The following FAF1 variants were observed in gnomAD, a reference collection of about 807,000 sequenced individuals.
FAF1 encodes FAS-associated factor 1.
Under a neutral mutation model 92.5 loss-of-function variants are expected in FAF1, and 25 were observed. That is an observed-to-expected ratio of 0.27 (90% CI 0.20 to 0.38). The LOEUF (loss-of-function observed/expected upper bound fraction) is 0.38, where lower values mean the gene tolerates loss of function less well. Among genes scored for constraint, FAF1 ranks in the 10% least tolerant of loss-of-function variants. The pLI is 1.00. For synonymous variants in FAF1, 234 were observed against 273.2 expected, an observed-to-expected ratio of 0.86 and a Z score of 1.42; for missense variants, 636 against 793.3, an observed-to-expected ratio of 0.80 and a Z score of 2.38.
chr1:50,884,539 A>AAT, intron 1 of FAF1, among the ~76,000 whole-genome samples: 1 of 149,840 alleles, frequency 6.7e-6, no homozygotes, highest in African/African-American at 2.5e-5. Context: ...AAAAAAAAAA[A>AAT]TTTTTTTTCT....
At chr1:50,803,266 A>G (rs1662067798) in intron 2 of FAF1, among the ~76,000 whole-genome samples, 1 of 152,202 alleles carries the variant, frequency 6.6e-6, no homozygotes, top group African/African-American at 2.4e-5. Context: ...AAGAAACAAA[A>G]TACCAGAGCT....
intron 18 of FAF1, among the ~76,000 whole-genome samples, chr1:50,443,555 G>A (rs962332068): frequency 5.3e-5 from 8 of 152,160 alleles, no homozygotes; most frequent in African/African-American, 1.9e-4. Flanking sequence ...AAAGCACAGT[G>A]GTTAAAAAGA....
intron 1 of FAF1, among the ~76,000 whole-genome samples, chr1:50,916,371 A>T (rs1273647691): frequency 6.6e-6 from 1 of 152,218 alleles, no homozygotes; most frequent in East Asian, 1.9e-4. Flanking sequence ...ACCTGACCCC[A>T]ATACCTGGGC....
At chr1:50,533,373 G>T (rs767726870) in intron 15 of FAF1, among the ~76,000 whole-genome samples, 1 of 151,944 alleles carries the variant, frequency 6.6e-6, no homozygotes, top group Non-Finnish European at 1.5e-5. Context: ...CCCGAGCCCT[G>T]GCCAGGTTTT....
chr1:50,711,782 G>A (rs1205349515), intron 6 of FAF1, among the ~76,000 whole-genome samples: 1 of 152,038 alleles, frequency 6.6e-6, no homozygotes, highest in Non-Finnish European at 1.5e-5. Flanking sequence ...TTTTACAGAG[G>A]TCTTGTTTGG....
chr1:50,678,327 G>T (rs1656239537), intron 7 of FAF1, among the ~76,000 whole-genome samples: 1 of 152,144 alleles, frequency 6.6e-6, no homozygotes, highest in South Asian at 2.1e-4. Context: ...GCAGGTAAGG[G>T]CCTAAAGTCT....
chr1:50,692,918 G>A (rs547177755), intron 7 of FAF1, among the ~76,000 whole-genome samples: 1 of 151,990 alleles, frequency 6.6e-6, no homozygotes, highest in African/African-American at 2.4e-5. Context: ...TAGATTATTT[G>A]TCTTTTTATT....
At chr1:50,805,632 T>A (rs192386088) in intron 2 of FAF1, among the ~76,000 whole-genome samples, 49 of 152,324 alleles carry the variant, frequency 3.2e-4, no homozygotes, top group Admixed American at 2.8e-3. Context: ...TGGCATGTAA[T>A]ATAAATCATA....
chr1:50,599,493 C>T (rs1304209218), intron 8 of FAF1, among the ~76,000 whole-genome samples: 1 of 152,122 alleles, frequency 6.6e-6, no homozygotes, highest in Non-Finnish European at 1.5e-5. Context: ...GTAGTAACAC[C>T]AAGCTGTTAA....
At chr1:50,874,094 C>A (rs532926041) in intron 1 of FAF1, among the ~76,000 whole-genome samples, 1 of 152,188 alleles carries the variant, frequency 6.6e-6, no homozygotes, top group South Asian at 2.1e-4. Flanking sequence ...ACACTGATTT[C>A]CCTTTTTGGT....
intron 2 of FAF1, among the ~76,000 whole-genome samples, chr1:50,804,979 A>C (rs1416273371): frequency 6.6e-6 from 1 of 152,220 alleles, no homozygotes; most frequent in Non-Finnish European, 1.5e-5. Flanking sequence ...CTGTAGACTA[A>C]AAATTATACT....
intron 2 of FAF1, among the ~76,000 whole-genome samples, chr1:50,832,662 G>A (rs565551644): frequency 1.3e-5 from 2 of 152,270 alleles, no homozygotes; most frequent in Non-Finnish European, 2.9e-5. Context: ...GAGCAAGTAA[G>A]GATAGTTATT....
chr1:50,699,952 C>T (rs1457636160), intron 7 of FAF1, among the ~76,000 whole-genome samples: 1 of 152,110 alleles, frequency 6.6e-6, no homozygotes, highest in Admixed American at 6.6e-5. Context: ...GATTCATCCT[C>T]GGACACAAAG....
chr1:50,692,522 T>C (rs1178004072), intron 7 of FAF1, among the ~76,000 whole-genome samples: 1 of 152,146 alleles, frequency 6.6e-6, no homozygotes, highest in East Asian at 1.9e-4. Context: ...TTGACTTTTC[T>C]AGAATCCATA....
At chr1:50,879,072 C>A (rs189434766) in intron 1 of FAF1, among the ~76,000 whole-genome samples, 1 of 152,128 alleles carries the variant, frequency 6.6e-6, no homozygotes, top group East Asian at 1.9e-4. Context: ...ATGGTGAAAC[C>A]CCGTCTCTCC....
intron 1 of FAF1, among the ~76,000 whole-genome samples, chr1:50,909,924 T>C (rs1205060746): frequency 2.0e-5 from 3 of 152,222 alleles, no homozygotes; most frequent in Non-Finnish European, 4.4e-5. Flanking sequence ...CCGTTGCTGG[T>C]GAGGAGCTGC....
At chr1:50,513,000 A>G (rs1400099387) in intron 15 of FAF1, among the ~76,000 whole-genome samples, 1 of 152,112 alleles carries the variant, frequency 6.6e-6, no homozygotes, top group Non-Finnish European at 1.5e-5. Context: ...ATAGAGGAGG[A>G]AGGTACTTTT....
At chr1:50,851,595 A>T (rs1161890771) in intron 2 of FAF1, among the ~76,000 whole-genome samples, 3 of 152,326 alleles carry the variant, frequency 2.0e-5, no homozygotes, top group Non-Finnish European at 2.9e-5. Flanking sequence ...GCATTCAACC[A>T]TGGGCACCAG....
At chr1:50,696,271 C>T (rs1023275222) in intron 7 of FAF1, among the ~76,000 whole-genome samples, 2 of 152,112 alleles carry the variant, frequency 1.3e-5, no homozygotes, top group Non-Finnish European at 2.9e-5. Context: ...CTTAATGCTA[C>T]ATATCCTCCC....
Sources: gnomAD v4.1 joint callset for allele counts (sites outside exome capture counted in the v4.1 genomes callset) on GRCh38, gnomAD v4.1.1 for gene constraint, MANE v1.5 for transcripts, NCBI Gene and HGNC (gene_info 2026-07-23, HGNC 2026-07-21) for gene names.